The following WWOX variants were observed in gnomAD, a reference collection of about 807,000 sequenced individuals.
The protein encoded by WWOX is WW domain-containing oxidoreductase.
Under a neutral mutation model 46.2 loss-of-function variants are expected in WWOX, and 69 were observed. The observed-to-expected ratio is 1.49, with a 90% CI of 1.23 to 1.82. WWOX has a LOEUF of 1.82. Ranked by LOEUF, WWOX falls within the 40% of genes most tolerant of loss-of-function variation. The pLI is 0.00. For missense variants in WWOX, 919 were observed against 542.6 expected (o/e 1.69, Z -6.89); for synonymous variants, 359 against 202.6 (o/e 1.77, Z -6.56).
At chr16:78,768,841 T>G (rs546825619) in intron 8 of WWOX, among the ~76,000 whole-genome samples, 2 of 152,148 alleles carry the variant, frequency 1.3e-5, no homozygotes, top group Non-Finnish European at 2.9e-5. Context: ...CCTGAAGGGC[T>G]TTCCAGTCAA....
chr16:78,866,806 A>G (rs373502839), intron 8 of WWOX, among the ~76,000 whole-genome samples: 1 of 152,218 alleles, frequency 6.6e-6, no homozygotes, highest in Non-Finnish European at 1.5e-5. Flanking sequence ...AGCTAGGACC[A>G]TATCCAAATT....
intron 8 of WWOX, among the ~76,000 whole-genome samples, chr16:78,625,504 A>G (rs193097404): frequency 1.3e-5 from 2 of 152,142 alleles, no homozygotes; most frequent in Non-Finnish European, 2.9e-5. Flanking sequence ...AGATTTAAAG[A>G]AAAATCAAGA....
chr16:78,975,879 C>T (rs917683579), intron 8 of WWOX, among the ~76,000 whole-genome samples: 1 of 152,198 alleles, frequency 6.6e-6, no homozygotes, highest in Non-Finnish European at 1.5e-5. Context: ...GACCAAACCT[C>T]TTCCAGCTTT....
intron 5 of WWOX, among the ~76,000 whole-genome samples, chr16:78,275,330 C>T (rs1206828318): frequency 2.6e-5 from 4 of 152,306 alleles, no homozygotes; most frequent in African/African-American, 9.6e-5. Flanking sequence ...CTTGACTCAC[C>T]CTGTACGGTG....
At chr16:78,389,454 C>T (rs2082132146) in intron 6 of WWOX, among the ~76,000 whole-genome samples, 1 of 152,084 alleles carries the variant, frequency 6.6e-6, no homozygotes, top group South Asian at 2.1e-4. Context: ...ACTCATCTGT[C>T]TGTGGTTGTT....
intron 8 of WWOX, among the ~76,000 whole-genome samples, chr16:78,624,478 G>C (rs1457854003): frequency 6.6e-6 from 1 of 152,130 alleles, no homozygotes; most frequent in African/African-American, 2.4e-5. Context: ...CTTGCAATAA[G>C]AAAACCATTC....
chr16:78,341,813 A>G lies in WWOX; in HGVS notation c.517-45047A>G, dbSNP rs1361576584. 2.5e-5 allele frequency among the ~76,000 whole-genome samples: 3 copies of G among 120,858 alleles called. 1 individual carries two copies. The highest frequency in any genetic ancestry group is 8.4e-5 in the African/African-American group (3 of 35,646). The allele number at this position is 120,858 out of a possible 152,430, so 79.3% of individuals were successfully genotyped here. ...TGGGTTTTGCCTCTCCACAATCTAG[A>G]GGAATATTTATGGAAGGTTAACAGG... On this transcript the variant is annotated intron_variant, in intron 5 of 8. Coordinates refer to ENST00000566780, the MANE Select transcript of WWOX (RefSeq NM_016373.4).
At chr16:78,609,485 A>T (rs962385934) in intron 8 of WWOX, among the ~76,000 whole-genome samples, 1 of 152,106 alleles carries the variant, frequency 6.6e-6, no homozygotes, top group Non-Finnish European at 1.5e-5. Context: ...AGAAAAAAAA[A>T]AATGTTTTCT....
intron 8 of WWOX, among the ~76,000 whole-genome samples, chr16:78,669,300 G>A (rs1392272350): frequency 1.3e-5 from 2 of 152,252 alleles, no homozygotes; most frequent in Admixed American, 6.5e-5. Flanking sequence ...TGGTGGGATG[G>A]ATTTGTGTCT....
At chr16:78,390,890 C>T (rs904070914) in intron 6 of WWOX, among the ~76,000 whole-genome samples, 1 of 152,148 alleles carries the variant, frequency 6.6e-6, no homozygotes, top group East Asian at 1.9e-4. Flanking sequence ...ATTTGAATTC[C>T]ATGTGGATGC....
At chr16:79,102,722 C>T (rs751678055) in intron 8 of WWOX, among the ~76,000 whole-genome samples, 61 of 152,032 alleles carry the variant, frequency 4.0e-4, no homozygotes, top group Non-Finnish European at 6.6e-4. Flanking sequence ...CCTAATATCT[C>T]GGAGGTTCTG....
At chr16:79,089,592 C>T (rs554942128) in intron 8 of WWOX, among the ~76,000 whole-genome samples, 2 of 152,130 alleles carry the variant, frequency 1.3e-5, no homozygotes, top group South Asian at 2.1e-4. Context: ...AAAGTCCCAA[C>T]GTGCTGGGAT....
At chr16:78,722,848 C>G (rs186027205) in intron 8 of WWOX, among the ~76,000 whole-genome samples, 1 of 151,726 alleles carries the variant, frequency 6.6e-6, no homozygotes, top group South Asian at 2.1e-4. Flanking sequence ...CAAGATCAGT[C>G]TGGGCAACAT....
chr16:78,490,179 G>A lies in WWOX; in HGVS notation c.1056+57427G>A, dbSNP rs561064286. Among the ~76,000 whole-genome samples the A allele has an allele frequency of 2.6e-5, 4 of 151,604 alleles. No homozygotes were observed. The East Asian group carries it at 7.8e-4, about 30-fold the overall frequency. ...GTGGTGGCGTTGGCTTTTACTTGGGGTTGACCTTTCCTTATCAAGGACGTA... is the reference window on the plus strand; with the variant it reads ...GTGGTGGCGTTGGCTTTTACTTGGGATTGACCTTTCCTTATCAAGGACGTA... On this transcript the variant is annotated intron_variant, in intron 8 of 8. Transcript: ENST00000566780.
intron 8 of WWOX, among the ~76,000 whole-genome samples, chr16:78,971,262 G>A (rs576501219): frequency 5.1e-4 from 77 of 151,882 alleles, no homozygotes; most frequent in Non-Finnish European, 9.3e-4. Flanking sequence ...TCAGGAGTTC[G>A]AGACCAGCCT....
chr16:78,542,393 A>G (rs1211123530), intron 8 of WWOX, among the ~76,000 whole-genome samples: 1 of 152,150 alleles, frequency 6.6e-6, no homozygotes, highest in Non-Finnish European at 1.5e-5. Flanking sequence ...AGAAGAAGAC[A>G]GAGTGGTGTT....
At chr16:78,572,506 G>A (rs2044741271) in intron 8 of WWOX, among the ~76,000 whole-genome samples, 1 of 150,926 alleles carries the variant, frequency 6.6e-6, no homozygotes, top group Non-Finnish European at 1.5e-5. Context: ...GGGAGACTGA[G>A]GAGGGAGGAC....
chr16:78,396,815 A>G (rs928528908), intron 6 of WWOX, among the ~76,000 whole-genome samples: 1 of 152,220 alleles, frequency 6.6e-6, no homozygotes, highest in Non-Finnish European at 1.5e-5. Flanking sequence ...CTATTGTAAT[A>G]TAAAAGTAGC....
intron 8 of WWOX, among the ~76,000 whole-genome samples, chr16:78,750,160 G>C (rs779639097): frequency 5.9e-5 from 9 of 152,246 alleles, no homozygotes; most frequent in Non-Finnish European, 1.2e-4. Flanking sequence ...CTCGGTGAAA[G>C]TAGAGGTGTT....
Sources: gnomAD v4.1 joint callset for allele counts (sites outside exome capture counted in the v4.1 genomes callset) on GRCh38, gnomAD v4.1.1 for gene constraint, MANE v1.5 for transcripts, NCBI Gene and HGNC (gene_info 2026-07-23, HGNC 2026-07-21) for gene names.